Variants in DPP10 observed in about 807,000 individuals in gnomAD.
The protein encoded by DPP10 is dipeptidyl peptidase like 10.
A neutral mutation model predicts 120.9 loss-of-function variants in DPP10; 33 were observed. The ratio of observed to expected loss-of-function variants is 0.27; its 90% CI spans 0.21 to 0.37. The LOEUF (loss-of-function observed/expected upper bound fraction) is 0.37. Ranked by LOEUF, DPP10 falls within the 10% of genes least tolerant of loss-of-function variation. The probability of loss-of-function intolerance (pLI) is 1.00; values close to 1 mark genes in which losing one functional copy is unlikely to be tolerated. For missense variants in DPP10, 816 were observed against 942.8 expected, an observed-to-expected ratio of 0.87 and a Z score of 1.76; for synonymous variants, 337 against 326.1, an observed-to-expected ratio of 1.03 and a Z score of -0.36.
intron 13 of DPP10, among the ~76,000 whole-genome samples, chr2:115,770,318 G>A (rs1575731235): frequency 6.6e-6 from 1 of 152,048 alleles, no homozygotes; most frequent in East Asian, 1.9e-4. Context: ...AGCCTAATAT[G>A]TAGGCAAATT....
At chr2:114,598,535 T>C (rs891065835) in intron 1 of DPP10, among the ~76,000 whole-genome samples, 2 of 151,794 alleles carry the variant, frequency 1.3e-5, no homozygotes, top group African/African-American at 2.4e-5. Context: ...TGAATAAGCT[T>C]GGGTTGGTAT....
chr2:114,935,687 T>C (rs990374213), intron 1 of DPP10, among the ~76,000 whole-genome samples: 2 of 151,998 alleles, frequency 1.3e-5, no homozygotes, highest in African/African-American at 4.8e-5. Flanking sequence ...TGCTCAAGTG[T>C]GTGTGTGTGT....
chr2:115,154,386 G>A (rs144554490), intron 1 of DPP10, among the ~76,000 whole-genome samples: 5 of 152,224 alleles, frequency 3.3e-5, no homozygotes, highest in African/African-American at 1.2e-4. Flanking sequence ...TTTACTTAAT[G>A]TTTTAGAACT....
chr2:115,604,042 G>T (rs1311868428), intron 5 of DPP10, among the ~76,000 whole-genome samples: 5 of 150,944 alleles, frequency 3.3e-5, no homozygotes, highest in African/African-American at 1.2e-4. Flanking sequence ...AAAATGATAG[G>T]GATATGCTGC....
At chr2:115,652,409 ATGTGTG>A (rs71394158) in intron 5 of DPP10, among the ~76,000 whole-genome samples, 250 of 145,564 alleles carry the variant, frequency 1.7e-3, no homozygotes, top group African/African-American at 5.9e-3. Flanking sequence ...TAGGATATAT[ATGTGTG>A]TGTGTGTGTG....
chr2:114,896,092 T>C (rs1447906678), intron 1 of DPP10, among the ~76,000 whole-genome samples: 2 of 152,222 alleles, frequency 1.3e-5, no homozygotes, highest in African/African-American at 4.8e-5. Context: ...CATTGATCTA[T>C]ATCTCTGTTT....
rs570245315 is a variant in DPP10 at position 115,697,578 on chromosome 2, G to A, written c.576+7657G>A. Among the ~76,000 whole-genome samples the A allele has an allele frequency of 3.7e-4, 53 of 144,074 alleles. 1 individual carries two copies. The East Asian group carries it at 6.6e-3, about 18-fold the overall frequency. 94.5% of individuals were successfully genotyped at this position (144,074 alleles called of 152,430 possible). A position where few individuals can be genotyped will look rare whatever the true frequency, so the allele number is the denominator to read the frequency against. ...AAAGCTAAAAATGAATATAATTGAA[G>A]GGAATATATATATATATATATTTCT... On this transcript the variant is annotated intron_variant, in intron 7 of 25. Coordinates refer to ENST00000410059, the MANE Select transcript of DPP10 (RefSeq NM_020868.6).
chr2:115,736,126 C>T (rs1363034321), intron 8 of DPP10, among the ~76,000 whole-genome samples: 2 of 152,046 alleles, frequency 1.3e-5, no homozygotes, highest in Non-Finnish European at 1.5e-5. Flanking sequence ...TGGATACCCT[C>T]GTCCTTTAGG....
At position 115,149,287 on chromosome 2, in the gene DPP10, T is replaced by C. The variant is rs567167925; in HGVS notation, c.61-159952T>C. Among the ~76,000 whole-genome samples, 8 of 152,364 alleles carry C rather than the reference T, an allele frequency of 5.3e-5. No individual in the cohort carries two copies. The South Asian group carries it at 1.7e-3, about 32-fold the overall frequency. ...TTATAAAATGGTGATACTCTAATTC[T>C]ATCCATTATTTTTACACATTAGCTC... On this transcript the variant is annotated intron_variant, in intron 1 of 25. Coordinates refer to ENST00000410059, the MANE Select transcript of DPP10 (RefSeq NM_020868.6).
intron 1 of DPP10, among the ~76,000 whole-genome samples, chr2:114,999,113 G>A (rs1701276817): frequency 1.3e-5 from 2 of 152,148 alleles, no homozygotes; most frequent in African/African-American, 4.8e-5. Context: ...TGAGAGCAGA[G>A]ACTGTTTTCC....
rs111975675 is a variant in DPP10 at position 114,656,348 on chromosome 2, C to G, written c.60+213510C>G. ...ACAAGATCAGTGGAATGAATGGAAA[C>G]AAAGAAGGGCATATATTTGTAGAGG... On this transcript the variant is annotated intron_variant, in intron 1 of 25. Transcript: ENST00000410059. 8.2e-3 allele frequency among the ~76,000 whole-genome samples: 1,242 copies of G among 151,432 alleles called. 7 individuals are homozygous for G. Among genetic ancestry groups the G allele is most frequent in the Middle Eastern group, 0.024 (7 of 292 alleles).
chr2:114,652,720 A>T (rs1305007012), intron 1 of DPP10, among the ~76,000 whole-genome samples: 1 of 152,086 alleles, frequency 6.6e-6, no homozygotes, highest in Admixed American at 6.5e-5. Context: ...CTCTTTCTTG[A>T]TCCATTTCTC....
Position 114,653,027 on chromosome 2 carries a change from A to AGTGTGTGTGTGTGTGTGT in DPP10, c.60+210204_60+210221dup, listed in dbSNP as rs10528455. ...GAGAGAGAAAGAGAGAGAGAGAGAG[A>AGTGTGTGTGTGTGTGTGT]GTGTGTGTGTGTGTGTGTGTGTGTG... On this transcript the variant is annotated intron_variant, in intron 1 of 25. Transcript: ENST00000410059. Among the ~76,000 whole-genome samples, 693 of 135,754 alleles carry AGTGTGTGTGTGTGTGTGT rather than the reference A, an allele frequency of 5.1e-3. 11 individuals are homozygous for AGTGTGTGTGTGTGTGTGT. The highest frequency in any genetic ancestry group is 0.02 in the African/African-American group (647 of 32,454). 89.1% of individuals were successfully genotyped at this position (135,754 alleles called of 152,430 possible).
chr2:114,507,300 C>G (rs1683758819), intron 1 of DPP10, among the ~76,000 whole-genome samples: 1 of 152,160 alleles, frequency 6.6e-6, no homozygotes, highest in African/African-American at 2.4e-5. Flanking sequence ...CCACATGCCT[C>G]AGCCTCCTAA....
At chr2:115,551,155 TC>T (rs1373589543) in intron 5 of DPP10, among the ~76,000 whole-genome samples, 2 of 152,144 alleles carry the variant, frequency 1.3e-5, no homozygotes, top group Non-Finnish European at 2.9e-5. Flanking sequence ...AATAGTTTAT[TC>T]TTGCAGACTT....
chr2:114,989,514 G>A (rs911608237), intron 1 of DPP10, among the ~76,000 whole-genome samples: 3 of 152,172 alleles, frequency 2.0e-5, no homozygotes, highest in Non-Finnish European at 4.4e-5. Flanking sequence ...AGTTGTAAAG[G>A]TCTTGATATC....
chr2:115,193,236 T>G (rs1015680794), intron 1 of DPP10, among the ~76,000 whole-genome samples: 3 of 152,222 alleles, frequency 2.0e-5, no homozygotes, highest in Non-Finnish European at 2.9e-5. Flanking sequence ...AACATCCCTT[T>G]TTTTAAACAA....
chr2:114,671,780 C>T (rs954205911), intron 1 of DPP10, among the ~76,000 whole-genome samples: 9 of 152,024 alleles, frequency 5.9e-5, no homozygotes, highest in Admixed American at 3.9e-4. Context: ...GTGTTGTGTG[C>T]GTTTATTCGT....
At chr2:114,964,453 A>G (rs1005816285) in intron 1 of DPP10, among the ~76,000 whole-genome samples, 1 of 152,092 alleles carries the variant, frequency 6.6e-6, no homozygotes, top group African/African-American at 2.4e-5. Context: ...GAGCAATGAT[A>G]AGAAGTGTGG....
Sources: gnomAD v4.1 joint callset for allele counts (sites outside exome capture counted in the v4.1 genomes callset) on GRCh38, gnomAD v4.1.1 for gene constraint, MANE v1.5 for transcripts, NCBI Gene and HGNC (gene_info 2026-07-23, HGNC 2026-07-21) for gene names.